WDR27: variants seen among roughly 807,000 people sequenced by gnomAD.
WDR27 encodes the protein WD repeat-containing protein 27.
A neutral mutation model predicts 114.4 loss-of-function variants in WDR27; 100 were observed. That is an observed-to-expected ratio of 0.87 (90% CI 0.74 to 1.03). The LOEUF is 1.03. WDR27 is among the 50% of genes least tolerant of loss of function. The pLI is 0.00. For synonymous variants in WDR27, 449 were observed against 423.1 expected (o/e 1.06, Z -0.75); for missense variants, 1,129 against 1,092.9 (o/e 1.03, Z -0.47).
chr6:169,556,961 G>A (rs1280812867), intron 25 of WDR27, among the ~76,000 whole-genome samples: 1 of 152,220 alleles, frequency 6.6e-6, no homozygotes, highest in Admixed American at 6.5e-5. Flanking sequence ...TTGCTGGGGA[G>A]TGTCAAGATG....
chr6:169,649,217 T>C lies in WDR27; in HGVS notation c.1540A>G (p.Ser514Gly), dbSNP rs1260939952. Residue 514 changes from serine (S) to glycine (G), a missense_variant, in exon 15 of 26, where the codon AGC becomes GGC. Coordinates refer to ENST00000448612, the MANE Select transcript of WDR27 (RefSeq NM_182552.5). Reference sequence around the variant, plus strand: ...ACACACCGTGCGCAGCTGCTCCTGCTCCTTGAAGATCCTTTCCCCTCACTC... The same window carrying C: ...ACACACCGTGCGCAGCTGCTCCTGCCCCTTGAAGATCCTTTCCCCTCACTC... ...IKSEGKGSSRSRSSCAREAYP... is the reference protein window; with the variant it reads ...IKSEGKGSSRGRSSCAREAYP... 1 of 1,575,930 alleles carries C rather than the reference T, an allele frequency of 6.3e-7. No individual in the cohort carries two copies. Among genetic ancestry groups the C allele is most frequent in the Non-Finnish European group, 8.6e-7 (1 of 1,159,920 alleles).
intron 24 of WDR27, among the ~76,000 whole-genome samples, chr6:169,578,136 G>A (rs1802751064): frequency 6.6e-6 from 1 of 152,190 alleles, no homozygotes; most frequent in Non-Finnish European, 1.5e-5. Context: ...CATGCTTAGT[G>A]GGGAAACGCA....
At chr6:169,680,416 A>G (rs1226859852) in intron 2 of WDR27, among the ~76,000 whole-genome samples, 1 of 152,160 alleles carries the variant, frequency 6.6e-6, no homozygotes, top group Non-Finnish European at 1.5e-5. Flanking sequence ...CCCTGTCTCT[A>G]CTAAAAATAC....
In WDR27 at chr6:169,647,405, C is replaced by T. The variant is rs375354768; in HGVS notation, c.1657+368G>A. ...CAGAGGCCGCGTCTCCAGAGGGAAG[C>T]AGTGACTGTTCCATTAGCTTCTTTG... On this transcript the variant is annotated intron_variant, in intron 16 of 25. Transcript: ENST00000448612. Among the ~76,000 whole-genome samples the T allele has an allele frequency of 2.0e-4, 30 of 152,350 alleles. No individual in the cohort carries two copies. In the South Asian group the frequency reaches 3.7e-3, roughly 19 times the overall value.
chr6:169,655,389 C>T (rs1228296794), intron 13 of WDR27, among the ~76,000 whole-genome samples: 1 of 152,244 alleles, frequency 6.6e-6, no homozygotes, highest in African/African-American at 2.4e-5. Flanking sequence ...CAGGGTGCTG[C>T]AAAGACTGCT....
the WDR27 span, among the ~76,000 whole-genome samples, chr6:169,449,480 G>C: frequency 6.6e-6 from 1 of 152,106 alleles, no homozygotes; most frequent in African/African-American, 2.4e-5. Flanking sequence ...ACGTGGGAAG[G>C]GGAACACGTC....
intron 25 of WDR27, among the ~76,000 whole-genome samples, chr6:169,544,095 A>G (rs1440115684): frequency 6.6e-6 from 1 of 152,198 alleles, no homozygotes; most frequent in Non-Finnish European, 1.5e-5. Context: ...AGAGAGGAAC[A>G]TTGCCTTGAT....
chr6:169,618,786 T>C (rs1466887399), intron 21 of WDR27, among the ~76,000 whole-genome samples: 1 of 152,184 alleles, frequency 6.6e-6, no homozygotes, highest in African/African-American at 2.4e-5. Context: ...TTTGGACTTG[T>C]AGGATGACAG....
Position 169,695,099 on chromosome 6 carries a change from T to C in WDR27, c.-7-6087A>G, listed in dbSNP as rs1262065206. On this transcript the variant is annotated intron_variant, in intron 1 of 25. Coordinates refer to ENST00000448612, the MANE Select transcript of WDR27 (RefSeq NM_182552.5). ...ACAAAAATAGTAATGCTTAGAAGTA[T>C]AAAAATATCAAGAAGGGTAAACAAA... 3.3e-5 allele frequency among the ~76,000 whole-genome samples: 5 copies of C among 152,204 alleles called. No homozygotes were observed. The East Asian group carries it at 7.7e-4, about 23-fold the overall frequency.
intron 7 of WDR27, 49 bp from the exon 8 acceptor site, chr6:169,664,335 A>G (rs374106159): frequency 1.1e-5 from 18 of 1,611,222 alleles, no homozygotes; most frequent in Non-Finnish European, 1.5e-5. Flanking sequence ...AAGGGTCCTG[A>G]CGCAGAAGCA....
intron 15 of WDR27, among the ~76,000 whole-genome samples, chr6:169,648,269 C>T (rs551461248): frequency 1.0e-3 from 158 of 152,204 alleles, no homozygotes; most frequent in Admixed American, 2.0e-3. Context: ...AGATGCCTTC[C>T]GTGCACATGC....
chr6:169,449,903 A>T, the WDR27 span, among the ~76,000 whole-genome samples: 3 of 152,238 alleles, frequency 2.0e-5, no homozygotes, highest in Non-Finnish European at 4.4e-5. Flanking sequence ...ATATTTGAGC[A>T]ACAGAGCGAG....
Position 169,644,273 on chromosome 6 carries a change from G to A in WDR27, c.1658-487C>T, listed in dbSNP as rs148825056. Among the ~76,000 whole-genome samples, 1,197 of 149,844 alleles carry A rather than the reference G, an allele frequency of 8.0e-3. 6 individuals carry two copies. The highest frequency in any genetic ancestry group is 0.012 in the Non-Finnish European group (820 of 66,848). Reference sequence around the variant, plus strand: ...CTGTAGAAAAGCCTAGTTCACAGGAGTCACACTGTAGAAAAGCCTAGTTCA... The same window carrying A: ...CTGTAGAAAAGCCTAGTTCACAGGAATCACACTGTAGAAAAGCCTAGTTCA... On this transcript the variant is annotated intron_variant, in intron 16 of 25. Coordinates refer to ENST00000448612, the MANE Select transcript of WDR27 (RefSeq NM_182552.5).
intron 16 of WDR27, among the ~76,000 whole-genome samples, chr6:169,647,243 C>T (rs1274500010): frequency 6.6e-6 from 1 of 152,184 alleles, no homozygotes; most frequent in Admixed American, 6.5e-5. Flanking sequence ...ACGTGAGAAT[C>T]GGGCGACTGT....
intron 17 of WDR27, among the ~76,000 whole-genome samples, chr6:169,641,852 C>G (rs993102273): frequency 4.6e-5 from 7 of 152,258 alleles, no homozygotes; most frequent in African/African-American, 1.7e-4. Context: ...TCACAGATGA[C>G]GCAGCTCTCC....
chr6:169,642,270 C>T (rs1180188759), intron 17 of WDR27, among the ~76,000 whole-genome samples: 1 of 152,086 alleles, frequency 6.6e-6, no homozygotes, highest in Admixed American at 6.6e-5. Flanking sequence ...AACGATGTGG[C>T]TTGTGCAGTT....
chr6:169,634,485 A>C lies in WDR27; in HGVS notation c.2044T>G (p.Ser682Ala). The change falls in exon 20 of 26, where the codon TCC becomes GCC. Residue 682 changes from serine to alanine, a missense_variant. Transcript: ENST00000448612. ...KSKSKLICRL[S>A]TTGAVDMTSL... ...GTCATGTCTACTGCACCCGTCGTGG[A>C]GAGCCTGCAAATCAGCTTGGACTTG... 6.2e-7 allele frequency: 1 copy of C among 1,613,296 alleles called. No individual in the cohort carries two copies. Among genetic ancestry groups the C allele is most frequent in the African/African-American group, 1.3e-5 (1 of 75,050 alleles).
Position 169,659,585 on chromosome 6 carries a change from TGCCCAGAGCCCACCACACACA to T in WDR27, c.1130-88_1130-68del, listed in dbSNP as rs1054839312. 2.5e-5 allele frequency: 37 copies of T among 1,474,690 alleles called. No homozygotes were observed. The highest frequency in any genetic ancestry group is 5.8e-5 in the Admixed American group (3 of 51,390). 91.4% of individuals were successfully genotyped at this position (1,474,690 alleles called of 1,614,324 possible). ...AGGTAGCACATACACACGGAGTCAC[TGCCCAGAGCCCACCACACACA>T]GCCCAGAGCCCACCACACACAGTCC... On this transcript the variant is annotated intron_variant, in intron 10 of 25. Coordinates refer to ENST00000448612, the MANE Select transcript of WDR27 (RefSeq NM_182552.5). This position sits in a 1 kb window ranked among gnomAD's most constrained non-coding sequence, Gnocchi z 4.3.
At chr6:169,475,749 C>G (rs566152257) in intron 25 of WDR27, among the ~76,000 whole-genome samples, 2 of 152,154 alleles carry the variant, frequency 1.3e-5, no homozygotes, top group Non-Finnish European at 2.9e-5. Context: ...GCACTTCCCT[C>G]TCTACATTCT....
Sources: gnomAD v4.1 joint callset for allele counts (sites outside exome capture counted in the v4.1 genomes callset) on GRCh38, gnomAD v4.1.1 for gene constraint, Gnocchi (gnomAD v3.1) non-coding constraint, MANE v1.5 for transcripts, NCBI Gene and HGNC (gene_info 2026-07-23, HGNC 2026-07-21) for gene names.